The following AGBL4 variants were observed in gnomAD, a reference collection of about 807,000 sequenced individuals.
AGBL4 encodes AGBL carboxypeptidase 4.
Under a neutral mutation model 66.4 loss-of-function variants are expected in AGBL4, and 58 were observed. The observed-to-expected ratio is 0.87, with a 90% CI of 0.71 to 1.09. AGBL4 has a LOEUF of 1.09. AGBL4 is among the 50% of genes least tolerant of loss of function. The probability of loss-of-function intolerance (pLI) is 0.00; values close to 1 mark genes in which losing one functional copy is unlikely to be tolerated. For synonymous variants in AGBL4, 234 were observed against 222.9 expected (o/e 1.05, Z -0.44); for missense variants, 579 against 631.0 (o/e 0.92, Z 0.88).
Position 50,023,944 on chromosome 1 carries a change from G to GGC in AGBL4, c.-150_-149dup, listed in dbSNP as rs1662648594. ...ACGGGCGGCAGGCGCGCGGGTGGCC[G>GGC]GCGCGCGGCTGAGGGCGGGAGGGAC... On this transcript the variant is annotated 5_prime_UTR_variant, in exon 1 of 14. Coordinates refer to ENST00000371839, the MANE Select transcript of AGBL4 (RefSeq NM_032785.4). 34 of 845,018 alleles carry GGC rather than the reference G, an allele frequency of 4.0e-5. No individual in the cohort carries two copies. The East Asian group carries it at 1.1e-3, about 27-fold the overall frequency. The allele number at this position is 845,018 out of a possible 1,614,324, so 52.3% of individuals were successfully genotyped here.
At chr1:49,942,917 G>A (rs769287163) in intron 1 of AGBL4, among the ~76,000 whole-genome samples, 1 of 152,030 alleles carries the variant, frequency 6.6e-6, no homozygotes, top group Non-Finnish European at 1.5e-5. Context: ...TCTGATAAGA[G>A]GTTAATATAC....
chr1:48,794,586 G>A (rs991902460), intron 6 of AGBL4, among the ~76,000 whole-genome samples: 1 of 152,140 alleles, frequency 6.6e-6, no homozygotes, highest in Non-Finnish European at 1.5e-5. Context: ...AGGACACTTT[G>A]CCTCATTTGG....
intron 1 of AGBL4, among the ~76,000 whole-genome samples, chr1:49,897,104 T>C (rs1649300895): frequency 6.6e-6 from 1 of 152,048 alleles, no homozygotes; most frequent in Non-Finnish European, 1.5e-5. Flanking sequence ...CTGGAAGTCC[T>C]AACTAGAGAA....
intron 3 of AGBL4, among the ~76,000 whole-genome samples, chr1:49,260,806 G>T (rs1213155239): frequency 3.3e-5 from 5 of 152,068 alleles, no homozygotes; most frequent in East Asian, 1.9e-4. Flanking sequence ...TAACTCATTT[G>T]ATGAGGCCAG....
At chr1:49,982,510 G>C (rs1572006967) in intron 1 of AGBL4, among the ~76,000 whole-genome samples, 1 of 152,230 alleles carries the variant, frequency 6.6e-6, no homozygotes, top group Non-Finnish European at 1.5e-5. Context: ...AGCATGAAGA[G>C]CCTGGGCACC....
intron 2 of AGBL4, among the ~76,000 whole-genome samples, chr1:49,769,594 A>G (rs958849692): frequency 1.3e-5 from 2 of 152,188 alleles, no homozygotes; most frequent in African/African-American, 4.8e-5. Context: ...CCAAAATAGC[A>G]TGGTAATGGT....
intron 5 of AGBL4, among the ~76,000 whole-genome samples, chr1:48,923,929 T>C (rs1187186538): frequency 6.6e-6 from 1 of 152,146 alleles, no homozygotes; most frequent in Non-Finnish European, 1.5e-5. Context: ...TACTGAGAGA[T>C]GAATGCAGCC....
chr1:49,764,045 T>C lies in AGBL4; in HGVS notation c.158-66608A>G, dbSNP rs1485244135. 2.0e-5 allele frequency among the ~76,000 whole-genome samples: 3 copies of C among 152,006 alleles called. No homozygotes were observed. In the South Asian group the frequency reaches 6.2e-4, roughly 32 times the overall value. On this transcript the variant is annotated intron_variant, in intron 2 of 13. Transcript: ENST00000371839. Reference sequence around the variant, plus strand: ...TCTGTGTTCCTCTGGAAAGCAGCCATACTTCACGCTGCGCAACCCCCTACA... The same window carrying C: ...TCTGTGTTCCTCTGGAAAGCAGCCACACTTCACGCTGCGCAACCCCCTACA...
chr1:49,464,739 C>T (rs1646588241), intron 3 of AGBL4, among the ~76,000 whole-genome samples: 1 of 151,542 alleles, frequency 6.6e-6, no homozygotes, highest in South Asian at 2.1e-4. Flanking sequence ...GATACCCAAG[C>T]CACGAATAGA....
At chr1:49,161,305 G>T (rs1247985632) in intron 4 of AGBL4, among the ~76,000 whole-genome samples, 2 of 152,138 alleles carry the variant, frequency 1.3e-5, no homozygotes, top group Non-Finnish European at 2.9e-5. Context: ...GTTAGGAGAG[G>T]GAGTTCCCTG....
intron 8 of AGBL4, among the ~76,000 whole-genome samples, chr1:48,642,595 G>C (rs1209597858): frequency 1.3e-5 from 2 of 152,182 alleles, no homozygotes; most frequent in Non-Finnish European, 2.9e-5. Flanking sequence ...AGGGCAGAGA[G>C]GGTCTGCCAA....
chr1:50,000,660 C>T (rs182035643), intron 1 of AGBL4, among the ~76,000 whole-genome samples: 4 of 152,190 alleles, frequency 2.6e-5, no homozygotes, highest in Non-Finnish European at 2.9e-5. Flanking sequence ...TGTTAAAATA[C>T]GGAACCAGCC....
chr1:49,420,871 G>GT, intron 3 of AGBL4, among the ~76,000 whole-genome samples: 1 of 152,138 alleles, frequency 6.6e-6, no homozygotes, highest in Non-Finnish European at 1.5e-5. Flanking sequence ...GGGATAATGA[G>GT]GTGCATAAGA....
At chr1:49,866,658 G>A (rs1025489502) in intron 1 of AGBL4, among the ~76,000 whole-genome samples, 4 of 152,078 alleles carry the variant, frequency 2.6e-5, no homozygotes, top group Non-Finnish European at 5.9e-5. Context: ...CAGCTACTCA[G>A]AATGCTGAGG....
intron 4 of AGBL4, among the ~76,000 whole-genome samples, chr1:49,196,298 G>C (rs1446360723): frequency 6.6e-6 from 1 of 152,064 alleles, no homozygotes; most frequent in Non-Finnish European, 1.5e-5. Context: ...TCTTTCTTCT[G>C]TTTGGTCTAA....
chr1:49,955,641 T>C (rs1380420499), intron 1 of AGBL4, among the ~76,000 whole-genome samples: 2 of 151,842 alleles, frequency 1.3e-5, no homozygotes, highest in East Asian at 3.9e-4. Context: ...ATAAGTAGGG[T>C]AGAGCTCCAT....
intron 5 of AGBL4, among the ~76,000 whole-genome samples, chr1:48,911,021 C>G (rs894977855): frequency 6.6e-6 from 1 of 152,160 alleles, no homozygotes; most frequent in Non-Finnish European, 1.5e-5. Context: ...TGTTTCTGGA[C>G]AGAACTGGTT....
At chr1:49,353,691 C>T (rs1557863847) in intron 3 of AGBL4, among the ~76,000 whole-genome samples, 1 of 152,146 alleles carries the variant, frequency 6.6e-6, no homozygotes, top group Non-Finnish European at 1.5e-5. Context: ...ACCACACCCC[C>T]TGTCCTGTAC....
In AGBL4 at chr1:48,937,410, G is replaced by A. The variant is rs187622481; in HGVS notation, c.595-70180C>T. ...AGTGATTCAGCTTCATTATTAGTCA[G>A]TTTCATAGATTTTTTCTTCCTTTGT... On this transcript the variant is annotated intron_variant, in intron 5 of 13. Coordinates refer to ENST00000371839, the MANE Select transcript of AGBL4 (RefSeq NM_032785.4). Among the ~76,000 whole-genome samples the A allele has an allele frequency of 4.6e-5, 7 of 152,192 alleles. No homozygotes were observed. The East Asian group carries it at 1.2e-3, about 25-fold the overall frequency.
Sources: allele counts gnomAD v4.1 joint callset (sites outside exome capture counted in the v4.1 genomes callset), GRCh38; gene constraint gnomAD v4.1.1; transcripts MANE v1.5; gene names NCBI Gene and HGNC (gene_info 2026-07-23, HGNC 2026-07-21).